Variants in ASB7 observed in about 807,000 individuals in gnomAD.
The protein encoded by ASB7 is ankyrin repeat and SOCS box containing 7.
Under a neutral mutation model 32.5 loss-of-function variants are expected in ASB7, and 4 were observed. That is an observed-to-expected ratio of 0.12 (90% CI 0.06 to 0.28). The LOEUF is 0.28. Ranked by LOEUF, ASB7 falls within the 10% of genes least tolerant of loss-of-function variation. The pLI is 1.00. For missense variants in ASB7, 181 were observed against 407.1 expected (o/e 0.44, Z 4.78); for synonymous variants, 172 against 155.6 (o/e 1.11, Z -0.78).
chr15:100,632,307 C>T (rs1223342579), intron 5 of ASB7, among the ~76,000 whole-genome samples: 1 of 152,192 alleles, frequency 6.6e-6, no homozygotes, highest in Non-Finnish European at 1.5e-5. Context: ...TTCCTGAGTG[C>T]AGGGTCCTCC....
chr15:100,648,135 C>G (rs4965692), intron 5 of ASB7, among the ~76,000 whole-genome samples, 188 bp from the exon 6 acceptor site: 149,648 of 152,340 alleles, frequency 0.98, 73,551 homozygotes, highest in East Asian at 1. Flanking sequence ...CACCATCCCA[C>G]GGTTGTGAAA....
At chr15:100,637,202 A>G (rs1355900272) in intron 5 of ASB7, among the ~76,000 whole-genome samples, 1 of 152,248 alleles carries the variant, frequency 6.6e-6, no homozygotes, top group Non-Finnish European at 1.5e-5. Context: ...CTGAGCCGGC[A>G]GCTTTTTCAT....
chr15:100,626,767 T>C (rs921934437), intron 4 of ASB7, among the ~76,000 whole-genome samples: 7 of 152,194 alleles, frequency 4.6e-5, no homozygotes, highest in African/African-American at 1.7e-4. Context: ...TATACAGTAC[T>C]ATCCAGCAAT....
intron 4 of ASB7, among the ~76,000 whole-genome samples, chr15:100,621,295 C>T (rs1283543543): frequency 1.3e-5 from 2 of 152,118 alleles, no homozygotes; most frequent in Non-Finnish European, 2.9e-5. Flanking sequence ...ACTTTCTATA[C>T]AAAAGTTTCA....
At chr15:100,625,180 A>G (rs1370858087) in intron 4 of ASB7, among the ~76,000 whole-genome samples, 1 of 152,188 alleles carries the variant, frequency 6.6e-6, no homozygotes, top group East Asian at 1.9e-4. Context: ...AACCAAGGGA[A>G]GGGTCTGTGC....
At chr15:100,637,520 AC>A (rs1220572731) in intron 5 of ASB7, among the ~76,000 whole-genome samples, 1 of 152,198 alleles carries the variant, frequency 6.6e-6, no homozygotes, top group Admixed American at 6.5e-5. Flanking sequence ...AACCCAATGA[AC>A]CTTGTTTTCC....
In ASB7 at chr15:100,650,046, C is replaced by G. The variant is rs956696099; in HGVS notation, c.*1584C>G. 2.0e-5 allele frequency: 3 copies of G among 152,218 alleles called. No individual in the cohort carries two copies. The highest frequency in any genetic ancestry group is 7.2e-5 in the African/African-American group (3 of 41,450). 9.4% of individuals were successfully genotyped at this position (152,218 alleles called of 1,614,324 possible). The stretch of plus-strand genomic sequence containing the variant: ...TGTTTTCTCAAGCACAGCGTTTGCT[C>G]TTAGACTCTGATCTGCTTGTGCCTA... On this transcript the variant is annotated 3_prime_UTR_variant, in exon 6 of 6. Transcript: ENST00000332783.
intron 4 of ASB7, among the ~76,000 whole-genome samples, chr15:100,621,532 C>G (rs1011336966): frequency 1.3e-5 from 2 of 152,046 alleles, no homozygotes; most frequent in Non-Finnish European, 2.9e-5. Context: ...AGTACTTTTG[C>G]CACAGACAGT....
Position 100,645,531 on chromosome 15 carries a change from C to A in ASB7, c.818-2792C>A. ...CTCAGAACTTTCTCTTCATGAGCAGCCACATCATAGAGAGGAGCCTTACAA... is the reference window on the plus strand; with the variant it reads ...CTCAGAACTTTCTCTTCATGAGCAGACACATCATAGAGAGGAGCCTTACAA... On this transcript the variant is annotated intron_variant, in intron 5 of 5. Transcript: ENST00000332783. The A allele has an allele frequency of 1.5e-5, 10 of 664,034 alleles. 1 individual carries two copies. Among genetic ancestry groups the A allele is most frequent in the South Asian group, 1.4e-4 (10 of 71,914 alleles). The allele number at this position is 664,034 out of a possible 1,614,324, so 41.1% of individuals were successfully genotyped here. A position where few individuals can be genotyped will look rare whatever the true frequency, so the allele number is the denominator to read the frequency against.
chr15:100,633,168 A>G (rs2039896337), intron 5 of ASB7, among the ~76,000 whole-genome samples: 1 of 151,584 alleles, frequency 6.6e-6, no homozygotes, highest in South Asian at 2.1e-4. Flanking sequence ...CTTAGTTGGC[A>G]GTGTTTATAA....
chr15:100,622,887 G>A (rs2039805949), intron 4 of ASB7, among the ~76,000 whole-genome samples: 1 of 152,166 alleles, frequency 6.6e-6, no homozygotes, highest in Admixed American at 6.5e-5. Flanking sequence ...GAGATTTTAT[G>A]GCTAAGACCT....
intron 5 of ASB7, chr15:100,645,906 C>T (rs1057098070): frequency 5.8e-6 from 4 of 688,340 alleles, no homozygotes; most frequent in Non-Finnish European, 1.1e-5. Context: ...AGATTGCTTC[C>T]TTGTGGCCAG....
chr15:100,643,894 T>C (rs1387804008), intron 5 of ASB7, among the ~76,000 whole-genome samples: 1 of 152,216 alleles, frequency 6.6e-6, no homozygotes. Flanking sequence ...TGTATACACA[T>C]ACGTCAACTC....
At chr15:100,625,913 TAA>T (rs2039833114) in intron 4 of ASB7, among the ~76,000 whole-genome samples, 1 of 152,202 alleles carries the variant, frequency 6.6e-6, no homozygotes, top group Non-Finnish European at 1.5e-5. Flanking sequence ...GGTAAATCAT[TAA>T]GAGTCCTTTT....
At chr15:100,628,944 ATTAC>A (rs1039172893) in intron 4 of ASB7, among the ~76,000 whole-genome samples, 38 of 152,296 alleles carry the variant, frequency 2.5e-4, no homozygotes, top group African/African-American at 8.9e-4. Context: ...ACTTTTTTTT[ATTAC>A]TTAATATACC....
chr15:100,645,976 G>A, intron 5 of ASB7: 1 of 516,368 alleles, frequency 1.9e-6, no homozygotes, highest in Non-Finnish European at 3.7e-6. Flanking sequence ...TTTCTTTCTT[G>A]GTCAGTTTGT....
At chr15:100,614,272 C>CAA (rs36083050) in intron 4 of ASB7, among the ~76,000 whole-genome samples, 8 of 88,572 alleles carry the variant, frequency 9.0e-5, no homozygotes, top group African/African-American at 3.6e-4. Flanking sequence ...AAACTCTGCT[C>CAA]AAAAAAAAAA....
chr15:100,610,171 T>G (rs1040007032), intron 3 of ASB7, among the ~76,000 whole-genome samples: 1 of 152,154 alleles, frequency 6.6e-6, no homozygotes, highest in Non-Finnish European at 1.5e-5. Flanking sequence ...AAGGGACAAT[T>G]TTTGTGAAGG....
At chr15:100,633,756 A>T (rs2039902449) in intron 5 of ASB7, among the ~76,000 whole-genome samples, 1 of 152,174 alleles carries the variant, frequency 6.6e-6, no homozygotes, top group Admixed American at 6.5e-5. Context: ...GACATTTTGG[A>T]GGTAAATAGC....
Sources: allele counts gnomAD v4.1 joint callset (sites outside exome capture counted in the v4.1 genomes callset), GRCh38; gene constraint gnomAD v4.1.1; transcripts MANE v1.5; gene names NCBI Gene and HGNC (gene_info 2026-07-23, HGNC 2026-07-21).